EPSTI1: variants seen among roughly 807,000 people sequenced by gnomAD.
EPSTI1 encodes epithelial-stromal interaction protein 1.
EPSTI1 carries 66 observed loss-of-function variants against 49.9 expected under a neutral mutation model. The ratio of observed to expected loss-of-function variants is 1.32; its 90% confidence interval spans 1.08 to 1.62. EPSTI1 has a LOEUF of 1.62. Ranked by LOEUF, EPSTI1 falls within the 40% of genes most tolerant of loss-of-function variation. The probability of loss-of-function intolerance (pLI) is 0.00; values close to 1 mark genes in which losing one functional copy is unlikely to be tolerated. For missense variants in EPSTI1, 394 were observed against 365.5 expected, an observed-to-expected ratio of 1.08 and a Z score of -0.64; for synonymous variants, 137 against 130.7, an observed-to-expected ratio of 1.05 and a Z score of -0.33.
intron 8 of EPSTI1, among the ~76,000 whole-genome samples, chr13:42,916,557 A>G (rs2037837375): frequency 6.6e-6 from 1 of 152,234 alleles, no homozygotes; most frequent in African/African-American, 2.4e-5. Flanking sequence ...TTTTACACAC[A>G]ATTGTTGTAA....
intron 6 of EPSTI1, among the ~76,000 whole-genome samples, chr13:42,951,713 T>C (rs1476925650): frequency 1.3e-5 from 2 of 152,258 alleles, no homozygotes; most frequent in East Asian, 1.9e-4. Flanking sequence ...CCCTTTACTT[T>C]GCCATATTTA....
intron 6 of EPSTI1, among the ~76,000 whole-genome samples, chr13:42,948,304 G>A (rs1170102848): frequency 6.6e-6 from 1 of 152,240 alleles, no homozygotes; most frequent in East Asian, 1.9e-4. Flanking sequence ...AGGGCTCCAG[G>A]TGCCTGCAGA....
intron 6 of EPSTI1, among the ~76,000 whole-genome samples, chr13:42,928,481 G>A (rs946172960): frequency 6.6e-6 from 1 of 152,146 alleles, no homozygotes; most frequent in African/African-American, 2.4e-5. Flanking sequence ...TATCACTACC[G>A]TGACTCTACT....
chr13:42,987,852 T>C (rs1369529508), intron 1 of EPSTI1, among the ~76,000 whole-genome samples: 1 of 152,204 alleles, frequency 6.6e-6, no homozygotes, highest in African/African-American at 2.4e-5. Flanking sequence ...GTTATGAGGA[T>C]TGAAAGAGTT....
intron 6 of EPSTI1, 74 bp from the exon 7 acceptor site, chr13:42,926,503 C>A: frequency 1.2e-6 from 1 of 830,664 alleles, no homozygotes; most frequent in Non-Finnish European, 2.1e-6. Flanking sequence ...CCTTTGGATA[C>A]TAACCTAGAC....
intron 10 of EPSTI1, among the ~76,000 whole-genome samples, chr13:42,889,833 C>G (rs768885537): frequency 6.6e-6 from 1 of 152,080 alleles, no homozygotes; most frequent in Non-Finnish European, 1.5e-5. Flanking sequence ...TTGGGTCTTA[C>G]AAAATCCTTT....
chr13:42,906,490 C>G (rs1269935678), intron 8 of EPSTI1, among the ~76,000 whole-genome samples: 1 of 152,156 alleles, frequency 6.6e-6, no homozygotes, highest in Admixed American at 6.5e-5. Flanking sequence ...CAAACTTCTC[C>G]CAGGAGAGCC....
intron 8 of EPSTI1, among the ~76,000 whole-genome samples, chr13:42,912,048 C>A (rs2153416301): frequency 6.6e-6 from 1 of 152,234 alleles, no homozygotes; most frequent in South Asian, 2.1e-4. Flanking sequence ...TTTACTGATT[C>A]TTGTATATAT....
chr13:42,890,031 G>A (rs1455459353), intron 10 of EPSTI1, among the ~76,000 whole-genome samples: 3 of 152,194 alleles, frequency 2.0e-5, no homozygotes, highest in South Asian at 2.1e-4. Flanking sequence ...GCTCTGCCCC[G>A]TCTGTCATAC....
intron 5 of EPSTI1, among the ~76,000 whole-genome samples, chr13:42,956,910 G>A (rs1016719812): frequency 4.6e-5 from 7 of 152,124 alleles, no homozygotes; most frequent in African/African-American, 9.7e-5. Flanking sequence ...AAGGAGTTTG[G>A]ACTTTATGAA....
chr13:42,953,196 A>G (rs1056930884), intron 6 of EPSTI1, among the ~76,000 whole-genome samples: 2 of 151,860 alleles, frequency 1.3e-5, no homozygotes, highest in Non-Finnish European at 2.9e-5. Flanking sequence ...TGTCATTTAC[A>G]TATTTTATTT....
chr13:42,895,065 G>T lies in EPSTI1; in HGVS notation c.859C>A (p.Pro287Thr). Residue 287 changes from proline to threonine, a missense_variant, in exon 10 of 11, where the codon CCA becomes ACA. Pro to Thr is a conservative substitution (Grantham distance 38, BLOSUM62 -1). Coordinates refer to ENST00000313624, the MANE Select transcript of EPSTI1 (RefSeq NM_033255.5). ...FLDRLQGKSQ[P>T]GGLEQSGGCW... Reference sequence around the variant, plus strand: ...CCTCCAGATTGCTCGAGGCCACCTGGTTGACTTTTGCCTTGGAGTCGGTCC... The same window carrying T: ...CCTCCAGATTGCTCGAGGCCACCTGTTTGACTTTTGCCTTGGAGTCGGTCC... The T allele has an allele frequency of 6.2e-7, 1 of 1,613,570 alleles. No individual in the cohort carries two copies. Among genetic ancestry groups the T allele is most frequent in the Non-Finnish European group, 8.5e-7 (1 of 1,179,752 alleles).
At chr13:42,928,227 CATGTTACGACACTAACTCAT>C (rs922576482) in intron 6 of EPSTI1, among the ~76,000 whole-genome samples, 4 of 152,204 alleles carry the variant, frequency 2.6e-5, no homozygotes, top group Non-Finnish European at 4.4e-5. Flanking sequence ...AAGGAAGTCC[CATGTTACGACACTAACTCAT>C]ATTTTTCTAC....
At chr13:42,903,975 C>A (rs1286632032) in intron 8 of EPSTI1, among the ~76,000 whole-genome samples, 1 of 152,148 alleles carries the variant, frequency 6.6e-6, no homozygotes, top group African/African-American at 2.4e-5. Context: ...TAGGCTAATT[C>A]AATTTTCATT....
chr13:42,953,431 G>T (rs1467785602), intron 6 of EPSTI1, among the ~76,000 whole-genome samples: 2 of 152,182 alleles, frequency 1.3e-5, no homozygotes, highest in Non-Finnish European at 2.9e-5. Context: ...TGTAGTAGTT[G>T]CCCTGTATCT....
intron 6 of EPSTI1, among the ~76,000 whole-genome samples, chr13:42,939,087 T>C (rs1594687172): frequency 6.6e-6 from 1 of 152,222 alleles, no homozygotes; most frequent in Middle Eastern, 3.4e-3. Flanking sequence ...CTCTGCTAGT[T>C]TCTAACTTTT....
At chr13:42,977,064 TA>T (rs1211278044) in intron 1 of EPSTI1, among the ~76,000 whole-genome samples, 1 of 152,222 alleles carries the variant, frequency 6.6e-6, no homozygotes, top group African/African-American at 2.4e-5. Context: ...CTATTATAAA[TA>T]ATCCTACAGG....
At chr13:42,893,598 A>T (rs2037101672) in intron 10 of EPSTI1, among the ~76,000 whole-genome samples, 1 of 152,206 alleles carries the variant, frequency 6.6e-6, no homozygotes, top group South Asian at 2.1e-4. Flanking sequence ...ATGGCTCACT[A>T]AGGCCTGCCA....
chr13:42,893,535 A>C (rs143819677), intron 10 of EPSTI1, among the ~76,000 whole-genome samples: 103 of 152,342 alleles, frequency 6.8e-4, no homozygotes, highest in African/African-American at 2.4e-3. Flanking sequence ...CTATTACATC[A>C]TGAGGAAACA....
Sources: allele counts gnomAD v4.1 joint callset (sites outside exome capture counted in the v4.1 genomes callset), GRCh38; gene constraint gnomAD v4.1.1; transcripts MANE v1.5; gene names NCBI Gene and HGNC (gene_info 2026-07-23, HGNC 2026-07-21).